The following ACACA variants were observed in gnomAD, a reference collection of about 807,000 sequenced individuals.
ACACA encodes acetyl-CoA carboxylase alpha, also known as acetyl-CoA carboxylase 1.
ACACA carries 103 observed loss-of-function variants against 296.1 expected under a neutral mutation model. The observed-to-expected ratio is 0.35, with a 90% CI of 0.30 to 0.41. The LOEUF (loss-of-function observed/expected upper bound fraction) is 0.41. Ranked by LOEUF, ACACA falls within the 10% of genes least tolerant of loss-of-function variation. ACACA has a pLI of 1.00. For missense variants in ACACA, 1,554 were observed against 2,989.7 expected, an observed-to-expected ratio of 0.52 and a Z score of 11.20; for synonymous variants, 953 against 1,038.6, an observed-to-expected ratio of 0.92 and a Z score of 1.58.
intron 52 of ACACA, among the ~76,000 whole-genome samples, chr17:37,100,538 G>A (rs1181080947): frequency 6.6e-6 from 1 of 151,280 alleles, no homozygotes; most frequent in Non-Finnish European, 1.5e-5. Flanking sequence ...GAAAAACAAA[G>A]GTCAAAGAAT....
intron 3 of ACACA, among the ~76,000 whole-genome samples, chr17:37,324,835 C>CAA (rs35499336): frequency 1.8e-4 from 14 of 75,858 alleles, no homozygotes; most frequent in South Asian, 4.0e-4. Flanking sequence ...AACTCCGACT[C>CAA]AAAAAAAAAA....
At chr17:37,256,293 C>A (rs185670088) in intron 14 of ACACA, among the ~76,000 whole-genome samples, 1 of 152,008 alleles carries the variant, frequency 6.6e-6, no homozygotes, top group Non-Finnish European at 1.5e-5. Context: ...AATATGGCAG[C>A]GAATATGCTT....
intron 54 of ACACA, among the ~76,000 whole-genome samples, chr17:37,096,212 A>G (rs1231560036): frequency 6.6e-6 from 1 of 152,168 alleles, no homozygotes; most frequent in East Asian, 1.9e-4. Flanking sequence ...AAATCAGAGC[A>G]TGTCACTCCA....
intron 1 of ACACA, among the ~76,000 whole-genome samples, chr17:37,370,010 CTTTT>C (rs374109607): frequency 3.9e-5 from 5 of 128,814 alleles, no homozygotes; most frequent in Non-Finnish European, 4.8e-5. Flanking sequence ...CTGGCCCCTC[CTTTT>C]TTTTTTTTTT....
chr17:37,193,983 A>T (rs1028798045), intron 35 of ACACA, among the ~76,000 whole-genome samples: 1 of 152,188 alleles, frequency 6.6e-6, no homozygotes, highest in Non-Finnish European at 1.5e-5. Flanking sequence ...GGAAAGAATA[A>T]GGTTAGAACT....
At chr17:37,099,590 A>AGGAGGGCTGATGGCG (rs1258571617) in intron 52 of ACACA, among the ~76,000 whole-genome samples, 30 of 81,342 alleles carry the variant, frequency 3.7e-4, no homozygotes, top group Non-Finnish European at 5.1e-4. Flanking sequence ...GGCTGATGGC[A>AGGAGGGCTGATGGCG]GGAGGGCTGA....
At chr17:37,271,565 T>C (rs896050689) in intron 9 of ACACA, among the ~76,000 whole-genome samples, 2 of 152,054 alleles carry the variant, frequency 1.3e-5, no homozygotes, top group Non-Finnish European at 1.5e-5. Flanking sequence ...TATAAAACTT[T>C]CCTTTTTCAC....
At chr17:37,377,697 AT>A (rs2050065394) in intron 1 of ACACA, among the ~76,000 whole-genome samples, 4 of 151,066 alleles carry the variant, frequency 2.6e-5, no homozygotes, top group African/African-American at 4.9e-5. Flanking sequence ...AAATAAATAA[AT>A]AAATAAAAGT....
intron 41 of ACACA, among the ~76,000 whole-genome samples, chr17:37,169,229 T>C (rs542261786): frequency 6.6e-6 from 1 of 152,278 alleles, no homozygotes; most frequent in South Asian, 2.1e-4. Context: ...AACTTGAGAA[T>C]AGCAACAGCT....
chr17:37,333,569 G>A (rs1039174835), intron 2 of ACACA, among the ~76,000 whole-genome samples: 5 of 151,766 alleles, frequency 3.3e-5, no homozygotes, highest in African/African-American at 7.3e-5. Context: ...CACCAAAGAA[G>A]GAAAAATACT....
intron 3 of ACACA, among the ~76,000 whole-genome samples, chr17:37,313,215 G>T (rs1179964612): frequency 1.3e-5 from 2 of 151,952 alleles, no homozygotes; most frequent in Non-Finnish European, 2.9e-5. Flanking sequence ...CCAAGGTGAT[G>T]GGTTCATCTG....
Position 37,146,180 on chromosome 17 carries a change from CA to C in ACACA, c.5679+3683del, listed in dbSNP as rs561541912. Among the ~76,000 whole-genome samples, 47 of 152,160 alleles carry C rather than the reference CA, an allele frequency of 3.1e-4. No homozygotes were observed. In the East Asian group the frequency reaches 7.5e-3, roughly 24 times the overall value. ...TTTAAAAAGTAAGAGTCTTTGGAAG[CA>C]AAAGATAGGAAGGTGTAAACTAATT... On this transcript the variant is annotated intron_variant, in intron 45 of 55. Transcript: ENST00000616317.
chr17:37,277,171 T>C (rs2082317757), intron 6 of ACACA, 57 bp from the exon 7 acceptor site: 1 of 1,469,604 alleles, frequency 6.8e-7, no homozygotes. Flanking sequence ...CCCCACAAAC[T>C]GCAAGAGTCT....
chr17:37,273,933 G>A lies in ACACA; in HGVS notation c.1008+260C>T, dbSNP rs532370760. On this transcript the variant is annotated intron_variant, in intron 9 of 55. Transcript: ENST00000616317. ...GACTTAATCACCTAAGAAATGTTCTGTCCAGATGAGCAGCCTGCTTCAAAA... is the reference window on the plus strand; with the variant it reads ...GACTTAATCACCTAAGAAATGTTCTATCCAGATGAGCAGCCTGCTTCAAAA... 1.2e-4 allele frequency among the ~76,000 whole-genome samples: 19 copies of A among 152,290 alleles called. No individual in the cohort carries two copies. The South Asian group carries it at 3.7e-3, about 30-fold the overall frequency.
intron 41 of ACACA, among the ~76,000 whole-genome samples, chr17:37,178,690 A>G (rs2077208422): frequency 6.6e-6 from 1 of 152,072 alleles, no homozygotes; most frequent in Non-Finnish European, 1.5e-5. Context: ...AGTACCAGCT[A>G]CTCAGGAGGC....
At chr17:37,167,466 G>A (rs1240109520) in intron 41 of ACACA, among the ~76,000 whole-genome samples, 1 of 150,102 alleles carries the variant, frequency 6.7e-6, no homozygotes, top group East Asian at 2.0e-4. Flanking sequence ...TTACAGGCAC[G>A]TAACACCACG....
chr17:37,087,460 T>C, intron 55 of ACACA, 21 bp from the exon 56 acceptor site: 1 of 1,613,970 alleles, frequency 6.2e-7, no homozygotes, highest in Non-Finnish European at 8.5e-7. Flanking sequence ...AGATTGAGAA[T>C]GGTGAAGAAA....
rs1440802969 is a variant in ACACA, at chr17:37,143,830, T to G, written c.5679+6034A>C. The G allele has an allele frequency of 2.1e-6, 3 of 1,425,510 alleles. No homozygotes were observed. The East Asian group carries it at 6.8e-5, about 32-fold the overall frequency. The allele number at this position is 1,425,510 out of a possible 1,614,324, so 88.3% of individuals were successfully genotyped here. ...AGCTCAATATGCAGCAGTATCCTTT[T>G]CGTATTTTTCCTTCAGCTTCGCAGC... On this transcript the variant is annotated intron_variant, in intron 45 of 55. Coordinates refer to ENST00000616317, the MANE Select transcript of ACACA (RefSeq NM_198834.3).
intron 8 of ACACA, 113 bp downstream of exon 8, chr17:37,275,838 C>T (rs555612329): frequency 2.3e-6 from 2 of 882,872 alleles, no homozygotes; most frequent in African/African-American, 1.6e-5. Flanking sequence ...CATTAATCAA[C>T]CAGTATTCCA....
Sources: gnomAD v4.1 joint callset for allele counts (sites outside exome capture counted in the v4.1 genomes callset) on GRCh38, gnomAD v4.1.1 for gene constraint, MANE v1.5 for transcripts, NCBI Gene and HGNC (gene_info 2026-07-23, HGNC 2026-07-21) for gene names.